The following SRP72 variants were observed in gnomAD, a reference collection of about 807,000 sequenced individuals.
SRP72 encodes the protein signal recognition particle 72.
Under a neutral mutation model 96.3 loss-of-function variants are expected in SRP72, and 49 were observed. That is an observed-to-expected ratio of 0.51 (90% CI 0.40 to 0.65). The LOEUF (loss-of-function observed/expected upper bound fraction) is 0.65, where lower values mean the gene tolerates loss of function less well. SRP72 is among the 30% of genes least tolerant of loss of function. The pLI is 0.00. For missense variants in SRP72, 736 were observed against 793.3 expected (o/e 0.93, Z 0.87); for synonymous variants, 267 against 275.2 (o/e 0.97, Z 0.30).
intron 14 of SRP72, 23 bp from the exon 15 acceptor site, chr4:56,490,545 A>T (rs990779849): frequency 1.9e-6 from 3 of 1,610,200 alleles, no homozygotes; most frequent in Non-Finnish European, 2.5e-6. Context: ...ACAGTTCAAT[A>T]ATTTTCTTAT....
chr4:56,493,967 G>A (rs138342105), intron 16 of SRP72, among the ~76,000 whole-genome samples: 19 of 152,296 alleles, frequency 1.2e-4, no homozygotes, highest in Middle Eastern at 3.4e-3. Flanking sequence ...GGAGTACACC[G>A]GAGGGAATAG....
rs139502866 is a variant in SRP72 at position 56,467,655 on chromosome 4, G to C, written c.20G>C (p.Gly7Ala). MASGGS[G>A]GVSVPALWSE... is the part of the protein sequence containing the mutation. ...TCCAAGATGGCGAGCGGCGGCAGCG[G>C]GGGGGTGTCAGTACCTGCGCTGTGG... The change falls in exon 1 of 19, where the codon GGG becomes GCG. Residue 7 changes from glycine (G) to alanine (A), a missense_variant. Coordinates refer to ENST00000642900, the MANE Select transcript of SRP72 (RefSeq NM_006947.4). The C allele has an allele frequency of 1.4e-3, 2,141 of 1,561,500 alleles. 32 individuals are homozygous for C. The African/African-American group carries it at 0.025, about 18-fold the overall frequency.
intron 5 of SRP72, chr4:56,475,747 T>C (rs926905682): frequency 2.0e-5 from 3 of 152,166 alleles, no homozygotes; most frequent in African/African-American, 7.2e-5. Context: ...TACAGACTTT[T>C]CAGTGAGCAG....
intron 2 of SRP72, among the ~76,000 whole-genome samples, chr4:56,471,506 A>G (rs578202896): frequency 1.4e-4 from 22 of 152,246 alleles, no homozygotes; most frequent in Non-Finnish European, 2.8e-4. Flanking sequence ...AACAATATCC[A>G]TGAAAGAGAG....
chr4:56,480,612 G>A (rs543375563), intron 8 of SRP72, among the ~76,000 whole-genome samples: 1 of 152,242 alleles, frequency 6.6e-6, no homozygotes, highest in East Asian at 1.9e-4. Flanking sequence ...GAGAGCATGT[G>A]AGATACTAAA....
chr4:56,491,127 T>C (rs894955480), intron 15 of SRP72, among the ~76,000 whole-genome samples: 2 of 152,206 alleles, frequency 1.3e-5, no homozygotes, highest in Admixed American at 6.5e-5. Flanking sequence ...TCACAAGTCA[T>C]AAACTTGATA....
chr4:56,477,294 TCTCTCTC>T (rs1020467129), intron 6 of SRP72: 2 of 123,516 alleles, frequency 1.6e-5, no homozygotes, highest in African/African-American at 6.4e-5. Flanking sequence ...TCTCTCTCTC[TCTCTCTC>T]TTTTTTTTTT....
chr4:56,483,330 A>G (rs1720573342), intron 9 of SRP72, 60 bp downstream of exon 9: 2 of 1,479,644 alleles, frequency 1.4e-6, no homozygotes, highest in Non-Finnish European at 1.8e-6. Context: ...ATGAGGAGTA[A>G]TAGGGATATT....
chr4:56,485,363 A>C (rs1171313112), intron 10 of SRP72, among the ~76,000 whole-genome samples: 1 of 148,688 alleles, frequency 6.7e-6, no homozygotes, highest in Admixed American at 7.0e-5. Context: ...TAACAGGGAC[A>C]CTCAGTGAAG....
chr4:56,494,635 C>A (rs546541510), intron 16 of SRP72, among the ~76,000 whole-genome samples: 21 of 152,150 alleles, frequency 1.4e-4, no homozygotes, highest in Middle Eastern at 3.4e-3. Context: ...AACTCCTGAC[C>A]TCAGGTGATC....
At chr4:56,488,563 C>G (rs1720799308) in intron 12 of SRP72, among the ~76,000 whole-genome samples, 1 of 152,090 alleles carries the variant, frequency 6.6e-6, no homozygotes, top group Admixed American at 6.6e-5. Context: ...CTTAAAGATT[C>G]ATATTTTAAG....
intron 1 of SRP72, 75 bp from the exon 2 acceptor site, chr4:56,469,578 C>G (rs1487025989): frequency 5.7e-6 from 8 of 1,402,248 alleles, no homozygotes; most frequent in Non-Finnish European, 5.8e-6. Flanking sequence ...TTCGGAGAGA[C>G]AGGGTGGGAA....
intron 9 of SRP72, 98 bp from the exon 10 acceptor site, chr4:56,484,638 T>G: frequency 6.6e-7 from 1 of 1,504,722 alleles, no homozygotes; most frequent in Non-Finnish European, 9.1e-7. Flanking sequence ...TTAATATTTG[T>G]TTCAACTGAT....
At chr4:56,498,859 T>C (rs55644848) in intron 17 of SRP72, among the ~76,000 whole-genome samples, 11,483 of 152,220 alleles carry the variant, frequency 0.075, 503 homozygotes, top group Admixed American at 0.12. Flanking sequence ...ATTTATAGAT[T>C]CAATGCTATC....
intron 13 of SRP72, 150 bp from the exon 14 acceptor site, chr4:56,490,183 G>A: frequency 6.5e-6 from 4 of 614,170 alleles, no homozygotes; most frequent in Non-Finnish European, 2.9e-6. Flanking sequence ...CTACATGTGT[G>A]GATGATTTTG....
At chr4:56,467,964 A>G (rs1383357292) in intron 1 of SRP72, among the ~76,000 whole-genome samples, 1 of 152,200 alleles carries the variant, frequency 6.6e-6, no homozygotes, top group Non-Finnish European at 1.5e-5. Flanking sequence ...GCTTACAGCC[A>G]CGTGTACTTC....
At chr4:56,470,452 A>T (rs111648165) in intron 2 of SRP72, among the ~76,000 whole-genome samples, 3,974 of 152,022 alleles carry the variant, frequency 0.026, 143 homozygotes, top group East Asian at 0.19. Flanking sequence ...AGGCAGGAGA[A>T]TCACTTGAAC....
At chr4:56,478,841 A>G (rs1178690262) in intron 8 of SRP72, among the ~76,000 whole-genome samples, 192 bp downstream of exon 8, 1 of 152,198 alleles carries the variant, frequency 6.6e-6, no homozygotes, top group Non-Finnish European at 1.5e-5. Context: ...TACTCAAGTA[A>G]TAAAACCTTT....
chr4:56,479,919 T>C (rs1282895552), intron 8 of SRP72, among the ~76,000 whole-genome samples: 2 of 152,218 alleles, frequency 1.3e-5, no homozygotes, highest in African/African-American at 4.8e-5. Flanking sequence ...AATAATCTTT[T>C]TAGGTGGTAG....
Sources: allele counts gnomAD v4.1 joint callset (sites outside exome capture counted in the v4.1 genomes callset), GRCh38; gene constraint gnomAD v4.1.1; transcripts MANE v1.5; gene names NCBI Gene and HGNC (gene_info 2026-07-23, HGNC 2026-07-21).